PODNL1: variants seen among roughly 807,000 people sequenced by gnomAD.
The protein encoded by PODNL1 is podocan like 1.
A neutral mutation model predicts 45.1 loss-of-function variants in PODNL1; 50 were observed. The observed-to-expected ratio is 1.11, with a 90% CI of 0.88 to 1.40. PODNL1 has a LOEUF of 1.40. PODNL1 is among the 40% of genes most tolerant of loss of function. The probability of loss-of-function intolerance (pLI) is 0.00; values close to 1 mark genes in which losing one functional copy is unlikely to be tolerated. For missense variants in PODNL1, 788 were observed against 793.3 expected (o/e 0.99, Z 0.08); for synonymous variants, 406 against 372.5 (o/e 1.09, Z -1.04).
chr19:13,933,712 G>A lies in PODNL1; in HGVS notation c.767+166C>T, dbSNP rs1972126031. On this transcript the variant is annotated intron_variant, in intron 7 of 9. Coordinates refer to ENST00000588872, the MANE Select transcript of PODNL1 (RefSeq NM_001370095.3). The surrounding 1 kb of genome is among the most constrained non-coding windows in gnomAD (Gnocchi z 5.2). ...GTGAGACTTACGATGTCAGTGCAGG[G>A]CTGTGGGGAACAGGGACACCTACCC... Among the ~76,000 whole-genome samples the A allele has an allele frequency of 6.6e-6, 1 of 152,166 alleles. No homozygotes were observed. The highest frequency in any genetic ancestry group is 1.5e-5 in the Non-Finnish European group (1 of 68,032).
intron 1 of PODNL1, among the ~76,000 whole-genome samples, chr19:13,945,764 C>T (rs377233752): frequency 2.0e-5 from 3 of 151,750 alleles, no homozygotes; most frequent in Non-Finnish European, 2.9e-5. Flanking sequence ...GGATTACAGG[C>T]GTAAGCCACT....
At chr19:13,935,064 TTGTG>T (rs1438286716) in intron 5 of PODNL1, among the ~76,000 whole-genome samples, 1 of 150,214 alleles carries the variant, frequency 6.7e-6, no homozygotes, top group Non-Finnish European at 1.5e-5. Flanking sequence ...GTGTGTGTGC[TTGTG>T]TGTGCATGTG....
At chr19:13,935,517 G>C (rs773413423) in intron 5 of PODNL1, among the ~76,000 whole-genome samples, 10 of 152,130 alleles carry the variant, frequency 6.6e-5, no homozygotes, top group Non-Finnish European at 1.3e-4. Flanking sequence ...AGTAGAGACA[G>C]GGTTTCATCA....
intron 1 of PODNL1, among the ~76,000 whole-genome samples, chr19:13,944,232 G>A (rs868496664): frequency 3.5e-5 from 5 of 141,108 alleles, no homozygotes; most frequent in East Asian, 2.2e-4. Context: ...CAATCTCGGC[G>A]GCTCACTGCA....
Position 13,953,277 on chromosome 19 carries a change from C to T in PODNL1, c.-141G>A, listed in dbSNP as rs960285145. 6.5e-6 allele frequency: 5 copies of T among 767,852 alleles called. No individual in the cohort carries two copies. The East Asian group carries it at 1.3e-4, about 20-fold the overall frequency. 47.6% of individuals were successfully genotyped at this position (767,852 alleles called of 1,614,324 possible). On this transcript the variant is annotated 5_prime_UTR_variant, in exon 1 of 8. Transcript: ENST00000538371. Reference sequence around the variant, plus strand: ...TCTCTCTCCCCCATCAGTTTGGGAGCTCTGGAGGGCAGAAATGTGGATCTC... The same window carrying T: ...TCTCTCTCCCCCATCAGTTTGGGAGTTCTGGAGGGCAGAAATGTGGATCTC...
chr19:13,947,494 A>G (rs955958954), intron 1 of PODNL1, among the ~76,000 whole-genome samples: 4 of 146,364 alleles, frequency 2.7e-5, no homozygotes, highest in African/African-American at 7.7e-5. Flanking sequence ...AAAAAAAAAG[A>G]AAAAAAAAAG....
At position 13,932,425 on chromosome 19, in the gene PODNL1, G is replaced by C. The variant is rs528535810; in HGVS notation, c.1426-313C>G. 594 of 568,020 alleles carry C rather than the reference G, an allele frequency of 1.0e-3. 1 individual carries two copies. Among genetic ancestry groups the C allele is most frequent in the Non-Finnish European group, 1.3e-3 (441 of 334,852 alleles). The allele number at this position is 568,020 out of a possible 1,614,324, so 35.2% of individuals were successfully genotyped here. A position where few individuals can be genotyped will look rare whatever the true frequency, so the allele number is the denominator to read the frequency against. On this transcript the variant is annotated intron_variant, in intron 8 of 9. Transcript: ENST00000588872. Reference sequence around the variant, plus strand: ...TGCCCAGTCTAGAGGGCAGTGGCCCGATCACGGCTCATTGCAGCCTCAAAC... The same window carrying C: ...TGCCCAGTCTAGAGGGCAGTGGCCCCATCACGGCTCATTGCAGCCTCAAAC...
intron 2 of PODNL1, 115 bp downstream of exon 2, chr19:13,937,670 C>G: frequency 1.0e-6 from 1 of 975,870 alleles, no homozygotes; most frequent in Non-Finnish European, 1.5e-6. Flanking sequence ...GCACCGCCCT[C>G]CTGCAAGTGT....
chr19:13,938,114 T>G, intron 1 of PODNL1, 65 bp downstream of exon 1: 2 of 1,520,042 alleles, frequency 1.3e-6, no homozygotes, highest in Non-Finnish European at 1.8e-6. Context: ...CAGTGGCCAG[T>G]TGGCAGAGCA....
intron 1 of PODNL1, chr19:13,952,980 C>T (rs1197363103): frequency 9.4e-7 from 1 of 1,069,350 alleles, no homozygotes; most frequent in East Asian, 2.8e-5. Flanking sequence ...CTTTTCAAAG[C>T]TCTGCTCCCA....
At chr19:13,943,751 C>T (rs930150886) in intron 1 of PODNL1, among the ~76,000 whole-genome samples, 5 of 152,022 alleles carry the variant, frequency 3.3e-5, no homozygotes, top group African/African-American at 4.8e-5. Flanking sequence ...CGTGAGCCAC[C>T]GCGCCCAGCC....
rs746385713 is a variant in PODNL1, at chr19:13,936,033, C to T, written c.331G>A (p.Glu111Lys). The change falls in exon 4 of 10, where the codon GAG becomes AAG. Residue 111 changes from glutamate (E) to lysine (K), a missense_variant. Glu to Lys is a moderately conservative substitution (Grantham distance 56). Transcript: ENST00000588872. Reference sequence around the variant, plus strand: ...AGCTGGGTGAGGGACTCGAAGGCCTCGTCAGGCAGGCCTGGGAGAGTAGGG... The same window carrying T: ...AGCTGGGTGAGGGACTCGAAGGCCTTGTCAGGCAGGCCTGGGAGAGTAGGG... The part of the protein sequence containing the change: ...NLISSEGLPD[E>K]AFESLTQLQH... 8 of 1,550,762 alleles carry T rather than the reference C, an allele frequency of 5.2e-6. No individual in the cohort carries two copies. The highest frequency in any genetic ancestry group is 4.1e-5 in the African/African-American group (3 of 73,012).
At chr19:13,952,521 C>A in intron 1 of PODNL1, 1 of 1,250,454 alleles carries the variant, frequency 8.0e-7, no homozygotes, top group Non-Finnish European at 1.0e-6. Flanking sequence ...AAATGGCGCC[C>A]AGCTCGAAAT....
chr19:13,936,128 C>G, intron 3 of PODNL1, 84 bp from the exon 4 acceptor site: 1 of 1,278,090 alleles, frequency 7.8e-7, no homozygotes, highest in Non-Finnish European at 1.1e-6. Context: ...CCCCAGGACT[C>G]TCGGCCGGGG....
At chr19:13,942,701 C>T (rs1261902476), upstream of PODNL1, among the ~76,000 whole-genome samples, 2 of 152,084 alleles carry the variant, frequency 1.3e-5, no homozygotes, top group African/African-American at 4.8e-5. Flanking sequence ...ATAGGATTGG[C>T]TGTGCGCCCC....
upstream of PODNL1, among the ~76,000 whole-genome samples, chr19:13,940,693 G>A (rs1428610308): frequency 6.6e-6 from 1 of 151,820 alleles, no homozygotes; most frequent in African/African-American, 2.4e-5. Flanking sequence ...GACCAGCCTG[G>A]CCAACATGGC....
intron 4 of PODNL1, 52 bp from the exon 5 acceptor site, chr19:13,935,882 C>T (rs761530024): frequency 1.3e-6 from 2 of 1,554,040 alleles, no homozygotes; most frequent in South Asian, 1.2e-5. Flanking sequence ...CTTGGCCCCA[C>T]CACTTCCCCA....
chr19:13,953,245 GA>G, exon 1 of PODNL1: 1 of 1,087,322 alleles, frequency 9.2e-7, no homozygotes, highest in Non-Finnish European at 1.3e-6. Context: ...AGAGCTGGGG[GA>G]TGATGTCTCT....
chr19:13,947,271 AG>A (rs1398523979), intron 1 of PODNL1, among the ~76,000 whole-genome samples: 1 of 149,890 alleles, frequency 6.7e-6, no homozygotes, highest in Non-Finnish European at 1.5e-5. Context: ...ACCTGAGGCC[AG>A]GAGCTCAAGA....
Sources: allele counts gnomAD v4.1 joint callset (sites outside exome capture counted in the v4.1 genomes callset), GRCh38; gene constraint gnomAD v4.1.1; non-coding constraint Gnocchi (gnomAD v3.1); transcripts MANE v1.5; gene names NCBI Gene and HGNC (gene_info 2026-07-23, HGNC 2026-07-21).